Variants in CDH18 observed in about 807,000 individuals in gnomAD.
The protein encoded by CDH18 is cadherin-18.
Under a neutral mutation model 67.9 loss-of-function variants are expected in CDH18, and 31 were observed. The ratio of observed to expected loss-of-function variants is 0.46; its 90% confidence interval spans 0.34 to 0.62. CDH18 has a LOEUF of 0.62. CDH18 is among the 20% of genes least tolerant of loss of function. CDH18 has a pLI of 0.01. For missense variants in CDH18, 890 were observed against 975.5 expected (o/e 0.91, Z 1.17); for synonymous variants, 362 against 347.2 (o/e 1.04, Z -0.48).
intron 2 of CDH18, among the ~76,000 whole-genome samples, chr5:20,212,935 A>G (rs1740468321): frequency 6.6e-6 from 1 of 152,002 alleles, no homozygotes; most frequent in Non-Finnish European, 1.5e-5. Context: ...CTTTCTTATC[A>G]TTTGTGTGTT....
At chr5:19,882,486 T>C (rs765318819) in intron 2 of CDH18, among the ~76,000 whole-genome samples, 41 of 152,162 alleles carry the variant, frequency 2.7e-4, no homozygotes, top group Non-Finnish European at 1.0e-4. Context: ...AAGAATTTCA[T>C]ACACATTGTT....
intron 2 of CDH18, among the ~76,000 whole-genome samples, chr5:19,896,650 C>T (rs1789374389): frequency 6.6e-6 from 1 of 152,132 alleles, no homozygotes; most frequent in African/African-American, 2.4e-5. Context: ...ACAGTGAAAA[C>T]CAATTTCTAG....
chr5:20,051,978 C>G (rs567091671), intron 2 of CDH18, among the ~76,000 whole-genome samples: 1 of 152,002 alleles, frequency 6.6e-6, no homozygotes, highest in Non-Finnish European at 1.5e-5. Flanking sequence ...AAATACCTCT[C>G]TCACTTATGG....
At chr5:20,543,734 A>C (rs1757181915) in intron 1 of CDH18, among the ~76,000 whole-genome samples, 1 of 152,126 alleles carries the variant, frequency 6.6e-6, no homozygotes, top group Non-Finnish European at 1.5e-5. Flanking sequence ...TTACTCTCTG[A>C]TTACTTTGAT....
chr5:20,227,908 C>T (rs1741761604), intron 2 of CDH18, among the ~76,000 whole-genome samples: 1 of 152,112 alleles, frequency 6.6e-6, no homozygotes, highest in Non-Finnish European at 1.5e-5. Flanking sequence ...GGTATCACTT[C>T]TTCCATTTCA....
At chr5:20,048,123 T>A (rs1283140111) in intron 2 of CDH18, among the ~76,000 whole-genome samples, 1 of 151,638 alleles carries the variant, frequency 6.6e-6, no homozygotes, top group East Asian at 1.9e-4. Context: ...AAATTGTAAT[T>A]TTTTTTCTTA....
At chr5:19,494,147 TAGA>T (rs34337396) in intron 11 of CDH18, among the ~76,000 whole-genome samples, 3,130 of 152,328 alleles carry the variant, frequency 0.021, 50 homozygotes, top group Middle Eastern at 0.065. Flanking sequence ...TCTGTCAAGT[TAGA>T]AGATTTCCAC....
chr5:20,472,487 G>A (rs73767532), intron 1 of CDH18, among the ~76,000 whole-genome samples: 8,355 of 152,176 alleles, frequency 0.055, 759 homozygotes, highest in African/African-American at 0.19. Context: ...GTGAAACAAA[G>A]GGAATGTGGG....
chr5:19,526,128 A>T (rs1312353119), intron 9 of CDH18, among the ~76,000 whole-genome samples: 1 of 152,162 alleles, frequency 6.6e-6, no homozygotes, highest in African/African-American at 2.4e-5. Context: ...AGAGTTATTT[A>T]ACTTGCCAAG....
At chr5:20,363,524 A>G (rs1272055372) in intron 1 of CDH18, among the ~76,000 whole-genome samples, 2 of 147,434 alleles carry the variant, frequency 1.4e-5, no homozygotes, top group African/African-American at 5.0e-5. Context: ...GTTACGTCCC[A>G]TATTAATGAC....
At chr5:19,519,064 T>C (rs1307517856) in intron 10 of CDH18, among the ~76,000 whole-genome samples, 1 of 152,200 alleles carries the variant, frequency 6.6e-6, no homozygotes, top group Non-Finnish European at 1.5e-5. Context: ...TTGGCTTCTG[T>C]GTTCAGCCTT....
At chr5:19,719,151 T>A (rs1226794097) in intron 5 of CDH18, among the ~76,000 whole-genome samples, 2 of 152,160 alleles carry the variant, frequency 1.3e-5, no homozygotes, top group Middle Eastern at 3.4e-3. Flanking sequence ...ATTGTATGCA[T>A]AAAAAGTGTA....
intron 2 of CDH18, among the ~76,000 whole-genome samples, chr5:20,176,072 C>A (rs1209469037): frequency 6.6e-6 from 1 of 152,188 alleles, no homozygotes; most frequent in Non-Finnish European, 1.5e-5. Context: ...AACCCTTTCT[C>A]CCCACCTAGT....
intron 1 of CDH18, among the ~76,000 whole-genome samples, chr5:20,342,639 A>C (rs904240324): frequency 2.2e-4 from 33 of 152,174 alleles, no homozygotes; most frequent in African/African-American, 7.7e-4. Flanking sequence ...ATGGATAGTA[A>C]GAGTGTGGGA....
At chr5:19,952,006 T>C (rs1795839114) in intron 2 of CDH18, among the ~76,000 whole-genome samples, 1 of 152,080 alleles carries the variant, frequency 6.6e-6, no homozygotes, top group Admixed American at 6.6e-5. Context: ...CCTTCCTTAT[T>C]TTTCTATGTA....
intron 3 of CDH18, among the ~76,000 whole-genome samples, chr5:19,766,950 G>A (rs1470206662): frequency 6.6e-6 from 1 of 151,918 alleles, no homozygotes; most frequent in South Asian, 2.1e-4. Context: ...TCATTGAGGG[G>A]AGGAGCCAAA....
chr5:19,656,930 C>T (rs891214820), intron 5 of CDH18, among the ~76,000 whole-genome samples: 1 of 151,614 alleles, frequency 6.6e-6, no homozygotes, highest in Non-Finnish European at 1.5e-5. Context: ...TTTATTTATA[C>T]AACTACCTAC....
At chr5:20,443,258 T>C in intron 1 of CDH18, among the ~76,000 whole-genome samples, 1 of 139,656 alleles carries the variant, frequency 7.2e-6, no homozygotes, top group African/African-American at 2.7e-5. Context: ...TAAGAGTGAC[T>C]AAGAAAGCTA....
Position 20,560,167 on chromosome 5 carries a change from T to C in CDH18, c.-580+15295A>G, listed in dbSNP as rs561180603. Among the ~76,000 whole-genome samples the C allele has an allele frequency of 7.2e-4, 109 of 152,234 alleles. 1 individual carries two copies. Among genetic ancestry groups the C allele is most frequent in the African/African-American group, 2.6e-3 (109 of 41,556 alleles). On this transcript the variant is annotated intron_variant, in intron 1 of 14. Coordinates refer to the CDH18 transcript ENST00000507958. Reference sequence around the variant, plus strand: ...TCAGGCTCCCGTGCTGTCACAGATTTCTGAGTTTCTTATTTGACAGGGATA... The same window carrying C: ...TCAGGCTCCCGTGCTGTCACAGATTCCTGAGTTTCTTATTTGACAGGGATA...
Sources: gnomAD v4.1 joint callset for allele counts (sites outside exome capture counted in the v4.1 genomes callset) on GRCh38, gnomAD v4.1.1 for gene constraint, MANE v1.5 for transcripts, NCBI Gene and HGNC (gene_info 2026-07-23, HGNC 2026-07-21) for gene names.